The following DMD variants were observed in gnomAD, a reference collection of about 807,000 sequenced individuals.
DMD encodes dystrophin.
A neutral mutation model predicts 330.1 loss-of-function variants in DMD; 63 were observed. That is an observed-to-expected ratio of 0.19 (90% CI 0.16 to 0.24). DMD has a LOEUF of 0.24. Among genes scored for constraint, DMD ranks in the 10% least tolerant of loss-of-function variants. The pLI is 1.00. For synonymous variants in DMD, 1,223 were observed against 959.8 expected, an observed-to-expected ratio of 1.27 and a Z score of -5.07; for missense variants, 3,344 against 2,684.1, an observed-to-expected ratio of 1.25 and a Z score of -5.43.
chrX:32,492,719 A>G (rs1366811696), intron 19 of DMD, among the ~76,000 whole-genome samples: 1 of 112,608 alleles, frequency 8.9e-6, no homozygotes, highest in Non-Finnish European at 1.9e-5. Context: ...ATTAGCTTAT[A>G]TAGTTTTCTT....
chrX:32,122,375 G>A (rs1394220268), intron 44 of DMD, among the ~76,000 whole-genome samples: 2 of 111,626 alleles, frequency 1.8e-5, no homozygotes, highest in African/African-American at 6.5e-5. Context: ...ATTCTGATGT[G>A]AGTATTACTG....
At chrX:32,235,420 T>A (rs765698294) in intron 43 of DMD, among the ~76,000 whole-genome samples, 14 of 111,577 alleles carry the variant, frequency 1.3e-4, no homozygotes, top group Non-Finnish European at 1.7e-4. Context: ...CCTAGCCCGC[T>A]GCTGCTCACC....
intron 1 of DMD, among the ~76,000 whole-genome samples, chrX:33,182,410 G>T (rs192446068): frequency 2.7e-5 from 3 of 110,592 alleles, no homozygotes; most frequent in Non-Finnish European, 5.7e-5. Context: ...GACTATAGGC[G>T]TGTTGTCACT....
intron 50 of DMD, among the ~76,000 whole-genome samples, chrX:31,810,096 T>C (rs1012577132): frequency 9.0e-6 from 1 of 111,600 alleles, no homozygotes; most frequent in African/African-American, 3.3e-5. Context: ...CATATGCTAG[T>C]CATTGAATTA....
intron 63 of DMD, among the ~76,000 whole-genome samples, chrX:31,231,780 G>A (rs1231179029): frequency 8.9e-6 from 1 of 111,980 alleles, no homozygotes; most frequent in African/African-American, 3.2e-5. Flanking sequence ...CTACCTGGGA[G>A]GCTGAGGCAG....
intron 44 of DMD, among the ~76,000 whole-genome samples, chrX:32,176,653 A>T (rs2096907528): frequency 9.0e-6 from 1 of 111,440 alleles, no homozygotes; most frequent in Admixed American, 9.5e-5. Flanking sequence ...GAGGTTAGGG[A>T]TGAAGCACCA....
chrX:31,463,017 G>A (rs186694873), intron 59 of DMD, among the ~76,000 whole-genome samples: 1 of 112,017 alleles, frequency 8.9e-6, no homozygotes. Flanking sequence ...TGAAGAAAAA[G>A]CATCTTCATA....
intron 2 of DMD, among the ~76,000 whole-genome samples, chrX:32,980,172 C>G: frequency 9.2e-6 from 1 of 108,952 alleles, no homozygotes; most frequent in Non-Finnish European, 1.9e-5. Context: ...TTGAGACCAG[C>G]CTGGCCAACG....
chrX:32,473,008 A>G (rs1291983320), intron 21 of DMD, among the ~76,000 whole-genome samples: 1 of 111,010 alleles, frequency 9.0e-6, no homozygotes, highest in African/African-American at 3.3e-5. Context: ...ATATAGAGAT[A>G]TACAGTATGT....
At chrX:31,889,433 G>C (rs2094202038) in intron 47 of DMD, among the ~76,000 whole-genome samples, 1 of 109,944 alleles carries the variant, frequency 9.1e-6, no homozygotes, top group Admixed American at 9.8e-5. Flanking sequence ...CAAATGAAGT[G>C]AATAGGTGAC....
At chrX:32,377,874 G>T (rs2097910228) in intron 34 of DMD, among the ~76,000 whole-genome samples, 1 of 110,793 alleles carries the variant, frequency 9.0e-6, no homozygotes, top group Admixed American at 9.6e-5. Context: ...CTGAAAATCT[G>T]AAAACAATTG....
chrX:32,642,640 A>G (rs983457055), intron 11 of DMD, among the ~76,000 whole-genome samples: 4 of 112,289 alleles, frequency 3.6e-5, no homozygotes, highest in African/African-American at 9.7e-5. Flanking sequence ...TATGTTTCAG[A>G]TAAGCAAAGA....
chrX:32,682,902 T>A (rs779175923), intron 9 of DMD, among the ~76,000 whole-genome samples: 2 of 112,004 alleles, frequency 1.8e-5, no homozygotes, highest in Admixed American at 9.5e-5. Context: ...GCGGAGTGAC[T>A]GGGAGTATCC....
chrX:32,404,912 T>A (rs969667794), intron 30 of DMD, among the ~76,000 whole-genome samples: 3 of 111,406 alleles, frequency 2.7e-5, no homozygotes, highest in African/African-American at 9.8e-5. Context: ...TTAAAATTTG[T>A]GCGATAGCTC....
At chrX:33,276,906 G>T (rs756744266) in intron 1 of DMD, among the ~76,000 whole-genome samples, 1 of 111,742 alleles carries the variant, frequency 8.9e-6, no homozygotes, top group Admixed American at 9.5e-5. Context: ...GCAAAACTGC[G>T]GTATAATATC....
At chrX:32,874,408 A>G (rs981584334) in intron 2 of DMD, among the ~76,000 whole-genome samples, 15 of 111,552 alleles carry the variant, frequency 1.3e-4, no homozygotes, top group Admixed American at 9.6e-5. Flanking sequence ...GCCAAGATGC[A>G]TCTCTTTTCT....
At chrX:33,308,104 A>G (rs2053791757) in intron 1 of DMD, among the ~76,000 whole-genome samples, 1 of 112,576 alleles carries the variant, frequency 8.9e-6, no homozygotes, top group South Asian at 3.6e-4. Context: ...ACTGTCATTT[A>G]TTGTGAATGT....
In DMD at chrX:32,654,698, A is replaced by T. The variant is rs1422692006; in HGVS notation, c.961-9546T>A. ...GTTAGGGAGGATTCCCTCTTTTTCT[A>T]TTCATTGGAATAGTTTCAGAAGGAA... On this transcript the variant is annotated intron_variant, in intron 9 of 78. Coordinates refer to ENST00000357033, the MANE Select transcript of DMD (RefSeq NM_004006.3). 1.8e-5 allele frequency among the ~76,000 whole-genome samples: 2 copies of T among 111,407 alleles called. 1 individual carries two copies. Among genetic ancestry groups the T allele is most frequent in the Admixed American group, 1.9e-4 (2 of 10,518 alleles).
rs770087929 is a variant in DMD at position 32,062,155 on chromosome X, T to C, written c.6439-93641A>G. 9.0e-5 allele frequency among the ~76,000 whole-genome samples: 10 copies of C among 111,106 alleles called. No individual in the cohort carries two copies. In the East Asian group the frequency reaches 1.1e-3, roughly 13 times the overall value. ...GATTACAGTGTTCCTGCTTTGTTGATATTTATAAGGTCTGGCTTCGTATCA... is the reference window on the plus strand; with the variant it reads ...GATTACAGTGTTCCTGCTTTGTTGACATTTATAAGGTCTGGCTTCGTATCA... On this transcript the variant is annotated intron_variant, in intron 44 of 78. Coordinates refer to ENST00000357033, the MANE Select transcript of DMD (RefSeq NM_004006.3).
Sources: gnomAD v4.1 joint callset for allele counts (sites outside exome capture counted in the v4.1 genomes callset) on GRCh38, gnomAD v4.1.1 for gene constraint, MANE v1.5 for transcripts, NCBI Gene and HGNC (gene_info 2026-07-23, HGNC 2026-07-21) for gene names.